Variants in IMPG2 observed in about 807,000 individuals in gnomAD.
The protein encoded by IMPG2 is IPM 200.
A neutral mutation model predicts 129.2 loss-of-function variants in IMPG2; 91 were observed. The ratio of observed to expected loss-of-function variants is 0.70; its 90% CI spans 0.59 to 0.84. The LOEUF (loss-of-function observed/expected upper bound fraction) is 0.84, where lower values mean the gene tolerates loss of function less well. Among genes scored for constraint, IMPG2 ranks in the 40% least tolerant of loss-of-function variants. The pLI, the probability that IMPG2 is intolerant of heterozygous loss-of-function variation, is 0.00. For missense variants in IMPG2, 1,430 were observed against 1,461.7 expected, an observed-to-expected ratio of 0.98 and a Z score of 0.35; for synonymous variants, 510 against 517.7, an observed-to-expected ratio of 0.99 and a Z score of 0.20.
intron 18 of IMPG2, among the ~76,000 whole-genome samples, chr3:101,227,637 T>C (rs1706239281): frequency 2.0e-5 from 3 of 152,236 alleles, no homozygotes; most frequent in African/African-American, 7.2e-5. Flanking sequence ...TGGCTGAAGA[T>C]GCAGAGATGA....
At chr3:101,243,089 C>G (rs1706428361) in intron 13 of IMPG2, among the ~76,000 whole-genome samples, 182 bp from the exon 14 acceptor site, 1 of 152,118 alleles carries the variant, frequency 6.6e-6, no homozygotes, top group African/African-American at 2.4e-5. Flanking sequence ...ACAGTATAAA[C>G]TAGAAATGCT....
In IMPG2 at chr3:101,257,747, G is replaced by T; in HGVS notation, c.935C>A (p.Thr312Asn). 1.9e-6 allele frequency: 3 copies of T among 1,613,240 alleles called. No individual in the cohort carries two copies. In the South Asian group the frequency reaches 3.3e-5, roughly 18 times the overall value. ...ATTGCTGATGGCCTCACCATTGAAG[G>T]TAACTGCATAGTAAACATCTACGCC... ...DSGVDVYYAV[T>N]FNGEAISNTT... The change falls in exon 10 of 19, where the codon ACC becomes AAC. Residue 312 changes from threonine (T) to asparagine (N), a missense_variant. Transcript: ENST00000193391.
intron 2 of IMPG2, among the ~76,000 whole-genome samples, chr3:101,306,509 G>GT (rs1275295661): frequency 6.6e-5 from 10 of 152,144 alleles, no homozygotes; most frequent in Non-Finnish European, 8.8e-5. Context: ...GTAGATCATT[G>GT]TTTTTCATTT....
intron 14 of IMPG2, among the ~76,000 whole-genome samples, chr3:101,240,411 ACCAGG>A (rs1216326562): frequency 1.3e-5 from 2 of 152,190 alleles, no homozygotes; most frequent in Non-Finnish European, 2.9e-5. Context: ...GAGTCACAGC[ACCAGG>A]CCTGTAATTC....
chr3:101,263,285 T>C (rs2107240289), intron 9 of IMPG2, among the ~76,000 whole-genome samples: 1 of 152,148 alleles, frequency 6.6e-6, no homozygotes, highest in Non-Finnish European at 1.5e-5. Flanking sequence ...TGGAATATTT[T>C]CCATGACTGA....
intron 14 of IMPG2, among the ~76,000 whole-genome samples, chr3:101,236,812 G>T (rs963251792): frequency 2.6e-5 from 4 of 152,152 alleles, no homozygotes; most frequent in Non-Finnish European, 5.9e-5. Flanking sequence ...GAGTTGGTTT[G>T]TTTTTGTTTT....
At chr3:101,276,985 C>A (rs972178054) in intron 4 of IMPG2, among the ~76,000 whole-genome samples, 1 of 152,140 alleles carries the variant, frequency 6.6e-6, no homozygotes, top group Admixed American at 6.5e-5. Context: ...CAGTTCTTAT[C>A]ACTATGTGAA....
At chr3:101,294,015 G>A (rs1217581819) in intron 3 of IMPG2, among the ~76,000 whole-genome samples, 2 of 152,100 alleles carry the variant, frequency 1.3e-5, no homozygotes, top group African/African-American at 4.8e-5. Context: ...CAAGAAGGCT[G>A]TTTTGCTTAC....
intron 2 of IMPG2, among the ~76,000 whole-genome samples, chr3:101,317,029 T>TA (rs145800291): frequency 0.028 from 4,278 of 152,078 alleles, 87 homozygotes; most frequent in Non-Finnish European, 0.045. Flanking sequence ...TGCAAACTAA[T>TA]ACATAGCGAT....
chr3:101,278,061 C>T (rs112201478), intron 4 of IMPG2, among the ~76,000 whole-genome samples: 3,148 of 152,176 alleles, frequency 0.021, 111 homozygotes, highest in African/African-American at 0.072. Flanking sequence ...ATGGTGAAAC[C>T]CCGTCTCTAC....
chr3:101,256,939 A>C (rs1435379090), intron 10 of IMPG2, among the ~76,000 whole-genome samples: 1 of 152,030 alleles, frequency 6.6e-6, no homozygotes, highest in Non-Finnish European at 1.5e-5. Flanking sequence ...TTGACTGGGC[A>C]CCCTGTAGCC....
Position 101,223,599 on chromosome 3 carries a change from G to A in IMPG2, c.*3370C>T, listed in dbSNP as rs1706187732. The A allele has an allele frequency of 6.6e-6, 1 of 152,146 alleles. No individual in the cohort carries two copies. Among genetic ancestry groups the A allele is most frequent in the South Asian group, 2.1e-4 (1 of 4,818 alleles). 9.4% of individuals were successfully genotyped at this position (152,146 alleles called of 1,614,324 possible). A position where few individuals can be genotyped will look rare whatever the true frequency, so the allele number is the denominator to read the frequency against. On this transcript the variant is annotated 3_prime_UTR_variant, in exon 19 of 19. Transcript: ENST00000193391. Reference sequence around the variant, plus strand: ...GCATACAAATGAATAATTAGTTCAGGTATCATACTTCAGCCAACCTACTTT... The same window carrying A: ...GCATACAAATGAATAATTAGTTCAGATATCATACTTCAGCCAACCTACTTT...
At chr3:101,287,906 T>C (rs181365350) in intron 4 of IMPG2, among the ~76,000 whole-genome samples, 88 of 152,220 alleles carry the variant, frequency 5.8e-4, no homozygotes, top group Non-Finnish European at 1.1e-3. Flanking sequence ...TTCATTAAAC[T>C]AAAGAGCTTT....
chr3:101,283,252 T>C (rs1369577323), intron 4 of IMPG2, among the ~76,000 whole-genome samples: 1 of 152,160 alleles, frequency 6.6e-6, no homozygotes, highest in Non-Finnish European at 1.5e-5. Flanking sequence ...CTTGAACTCC[T>C]GATTTCAAGT....
At chr3:101,260,685 C>T (rs72932459) in intron 9 of IMPG2, among the ~76,000 whole-genome samples, 3,281 of 152,232 alleles carry the variant, frequency 0.022, 113 homozygotes, top group African/African-American at 0.075. Context: ...CATGTACACA[C>T]ACATACAGAT....
Position 101,232,894 on chromosome 3 carries a change from AG to A in IMPG2, c.3119del (p.Pro1040LeufsTer4). ...GCCGTTCTTCCACACTCAGGTATCC[AG>A]GGAAGCATCTGCACTTTGCTTCTCC... ...WSGEAKCRCF[P>X]GYLSVEERPC... On this transcript the variant is annotated frameshift_variant, in exon 15 of 19. Transcript: ENST00000193391. LOFTEE classifies it high-confidence loss of function. 1 of 1,613,946 alleles carries A rather than the reference AG, an allele frequency of 6.2e-7. No homozygotes were observed. The highest frequency in any genetic ancestry group is 8.5e-7 in the Non-Finnish European group (1 of 1,179,966).
intron 14 of IMPG2, among the ~76,000 whole-genome samples, chr3:101,237,331 G>A (rs192765442): frequency 5.6e-4 from 85 of 152,292 alleles, no homozygotes; most frequent in African/African-American, 1.9e-3. Context: ...GCTCTGAAGA[G>A]AGCAGCAGAT....
chr3:101,232,338 A>G (rs1455955722), intron 15 of IMPG2, among the ~76,000 whole-genome samples: 1 of 152,006 alleles, frequency 6.6e-6, no homozygotes, highest in Non-Finnish European at 1.5e-5. Flanking sequence ...CCCGGGTTCA[A>G]GCAATTCTCC....
At position 101,226,838 on chromosome 3, in the gene IMPG2, C is replaced by G; in HGVS notation, c.*131G>C. ...TAAGCTGAAAAAAAAACAGTGTGCCCTATATTTAATTTTTTCATAGAAAAC... is the reference window on the plus strand; with the variant it reads ...TAAGCTGAAAAAAAAACAGTGTGCCGTATATTTAATTTTTTCATAGAAAAC... On this transcript the variant is annotated 3_prime_UTR_variant, in exon 19 of 19. Coordinates refer to ENST00000193391, the MANE Select transcript of IMPG2 (RefSeq NM_016247.4). The G allele has an allele frequency of 1.1e-6, 1 of 900,532 alleles. No homozygotes were observed. The highest frequency in any genetic ancestry group is 1.5e-5 in the South Asian group (1 of 65,778). The allele number at this position is 900,532 out of a possible 1,614,324, so 55.8% of individuals were successfully genotyped here.
Sources: allele counts gnomAD v4.1 joint callset (sites outside exome capture counted in the v4.1 genomes callset), GRCh38; gene constraint gnomAD v4.1.1; transcripts MANE v1.5; gene names NCBI Gene and HGNC (gene_info 2026-07-23, HGNC 2026-07-21).